Variants in AK4 observed in about 807,000 individuals in gnomAD.
The protein encoded by AK4 is adenylate kinase 4.
AK4 carries 13 observed loss-of-function variants against 24.6 expected under a neutral mutation model. The ratio of observed to expected loss-of-function variants is 0.53; its 90% CI spans 0.34 to 0.84. AK4 has a LOEUF of 0.84. Ranked by LOEUF, AK4 falls within the 40% of genes least tolerant of loss-of-function variation. The pLI is 0.01. For synonymous variants in AK4, 88 were observed against 107.0 expected (o/e 0.82, Z 1.10); for missense variants, 192 against 288.2 (o/e 0.67, Z 2.42).
chr1:65,212,924 CTTTGTGAACAGTTTAGTA>C (rs1288596170), intron 2 of AK4, among the ~76,000 whole-genome samples: 2 of 152,146 alleles, frequency 1.3e-5, no homozygotes, highest in Non-Finnish European at 2.9e-5. Flanking sequence ...TATAGAAATG[CTTTGTGAACAGTTTAGTA>C]TATGTGAAGC....
chr1:65,214,326 G>C (rs1652058201), intron 2 of AK4, among the ~76,000 whole-genome samples: 1 of 152,086 alleles, frequency 6.6e-6, no homozygotes, highest in Admixed American at 6.5e-5. Flanking sequence ...GGCCAGGCTG[G>C]TCTTGAACTC....
chr1:65,171,303 CTTTTTTTTTTTT>C (rs56094715), intron 1 of AK4, among the ~76,000 whole-genome samples: 1 of 58,284 alleles, frequency 1.7e-5, no homozygotes. Context: ...GAAATAGTTG[CTTTTTTTTTTTT>C]TTTTTTTTTG....
intron 1 of AK4, among the ~76,000 whole-genome samples, chr1:65,153,673 TACCCTTAATTCCTTA>T (rs1649876536): frequency 6.6e-6 from 1 of 152,154 alleles, no homozygotes; most frequent in Non-Finnish European, 1.5e-5. Context: ...AAGTAAAAGT[TACCCTTAATTCCTTA>T]AGGGTAATTT....
chr1:65,194,854 A>T (rs2101047067), intron 2 of AK4, among the ~76,000 whole-genome samples: 1 of 152,264 alleles, frequency 6.6e-6, no homozygotes, highest in African/African-American at 2.4e-5. Flanking sequence ...TGCATCATTC[A>T]TGGCAATCTA....
At position 65,148,561 on chromosome 1, in the gene AK4, C is replaced by T. The variant is rs1649648374; in HGVS notation, c.145+9C>T. On this transcript the variant is annotated intron_variant, in intron 1 of 4. Transcript: ENST00000327299. Reference sequence around the variant, plus strand: ...CATCAAGGCCAGCACCGGTGAGGGGCTGCGGGGACGAGGGCCGGGGGCGAG... The same window carrying T: ...CATCAAGGCCAGCACCGGTGAGGGGTTGCGGGGACGAGGGCCGGGGGCGAG... 2 of 1,596,352 alleles carry T rather than the reference C, an allele frequency of 1.3e-6. No homozygotes were observed. The highest frequency in any genetic ancestry group is 1.3e-5 in the African/African-American group (1 of 74,778).
At chr1:65,151,933 A>G (rs1254122487) in intron 1 of AK4, among the ~76,000 whole-genome samples, 2 of 152,094 alleles carry the variant, frequency 1.3e-5, no homozygotes, top group African/African-American at 4.8e-5. Flanking sequence ...GAGTAAATAG[A>G]AGGGAGAGTT....
At chr1:65,158,025 G>C (rs954533034) in intron 1 of AK4, among the ~76,000 whole-genome samples, 14 of 152,106 alleles carry the variant, frequency 9.2e-5, no homozygotes, top group Admixed American at 6.5e-4. Context: ...TGCTTTTATG[G>C]CTTGGCCTTA....
chr1:65,206,967 C>T (rs1651830708), intron 2 of AK4, among the ~76,000 whole-genome samples: 1 of 152,158 alleles, frequency 6.6e-6, no homozygotes, highest in South Asian at 2.1e-4. Context: ...TGTCTTTATT[C>T]AGGAAAAATC....
Position 65,222,518 on chromosome 1 carries a change from C to G in AK4, c.439-2234C>G, listed in dbSNP as rs558084399. Among the ~76,000 whole-genome samples the G allele has an allele frequency of 1.5e-3, 229 of 152,304 alleles. 1 individual carries two copies. The highest frequency in any genetic ancestry group is 5.3e-3 in the African/African-American group (220 of 41,556). On this transcript the variant is annotated intron_variant, in intron 3 of 4. Transcript: ENST00000327299. ...TCCCTGGGAAGGAGGGACGCTGTTG[C>G]TCTAGCATCATTCTGCTTTTTGGAA...
At chr1:65,199,728 C>T (rs1215637015) in intron 2 of AK4, among the ~76,000 whole-genome samples, 1 of 152,090 alleles carries the variant, frequency 6.6e-6, no homozygotes, top group Non-Finnish European at 1.5e-5. Context: ...ATCTCTTATC[C>T]AGAATGCTCG....
chr1:65,213,681 T>C (rs1290086975), intron 2 of AK4, among the ~76,000 whole-genome samples: 3 of 152,198 alleles, frequency 2.0e-5, no homozygotes, highest in Non-Finnish European at 1.5e-5. Flanking sequence ...ATTGTCACTT[T>C]TAATCCTCAA....
intron 1 of AK4, 126 bp from the exon 2 acceptor site, chr1:65,190,584 T>G: frequency 9.1e-7 from 1 of 1,100,506 alleles, no homozygotes; most frequent in Middle Eastern, 3.1e-4. Flanking sequence ...TTAAAACATG[T>G]CTACAACTTC....
chr1:65,173,186 A>G (rs545747878), intron 1 of AK4, among the ~76,000 whole-genome samples: 21 of 151,980 alleles, frequency 1.4e-4, no homozygotes, highest in Non-Finnish European at 2.5e-4. Flanking sequence ...TTTGAACCAC[A>G]AGTCTTGGTC....
intron 2 of AK4, among the ~76,000 whole-genome samples, chr1:65,199,747 A>G (rs1025645825): frequency 2.0e-5 from 3 of 152,102 alleles, no homozygotes; most frequent in Non-Finnish European, 4.4e-5. Flanking sequence ...CGGGACCAGA[A>G]GTATTTTGGA....
chr1:65,162,296 A>G (rs1650193309), intron 1 of AK4, among the ~76,000 whole-genome samples: 1 of 152,146 alleles, frequency 6.6e-6, no homozygotes, highest in Non-Finnish European at 1.5e-5. Flanking sequence ...AGCCTAATAT[A>G]GGAGTGAACT....
At chr1:65,178,504 G>A (rs1382853278) in intron 1 of AK4, among the ~76,000 whole-genome samples, 2 of 152,208 alleles carry the variant, frequency 1.3e-5, no homozygotes, top group Non-Finnish European at 1.5e-5. Flanking sequence ...GAACACCTCT[G>A]TAGTACAGAC....
intron 1 of AK4, among the ~76,000 whole-genome samples, chr1:65,160,760 A>T (rs1297772071): frequency 6.6e-6 from 1 of 151,854 alleles, no homozygotes; most frequent in Non-Finnish European, 1.5e-5. Flanking sequence ...ACACCTGGCT[A>T]ATTTTTAAAT....
chr1:65,225,692 G>T (rs914518382), intron 4 of AK4, among the ~76,000 whole-genome samples: 1 of 152,052 alleles, frequency 6.6e-6, no homozygotes, highest in African/African-American at 2.4e-5. Context: ...ATATTATTAT[G>T]ATACATCAAT....
chr1:65,175,078 G>A (rs1573168), intron 1 of AK4, among the ~76,000 whole-genome samples: 1 of 151,976 alleles, frequency 6.6e-6, no homozygotes. Context: ...AACCAAAATA[G>A]TGGTCATGAC....
Sources: allele counts gnomAD v4.1 joint callset (sites outside exome capture counted in the v4.1 genomes callset), GRCh38; gene constraint gnomAD v4.1.1; transcripts MANE v1.5; gene names NCBI Gene and HGNC (gene_info 2026-07-23, HGNC 2026-07-21).